Variants in C4orf54 observed in about 807,000 individuals in gnomAD.
The protein encoded by C4orf54 is chromosome 4 open reading frame 54, also known as uncharacterized protein C4orf54.
A neutral mutation model predicts 80.1 loss-of-function variants in C4orf54; 67 were observed. The ratio of observed to expected loss-of-function variants is 0.84; its 90% CI spans 0.69 to 1.03. The LOEUF is 1.03. Among genes scored for constraint, C4orf54 ranks in the 50% least tolerant of loss-of-function variants. The pLI is 0.00. For synonymous variants in C4orf54, 1,000 were observed against 917.0 expected (o/e 1.09, Z -1.64); for missense variants, 2,434 against 2,253.5 (o/e 1.08, Z -1.62).
chr4:99,648,812 A>G, intron 2 of C4orf54, among the ~76,000 whole-genome samples: 1 of 152,176 alleles, frequency 6.6e-6, no homozygotes, highest in Middle Eastern at 3.2e-3. Context: ...AGGGGTTTCC[A>G]ATGACCTCCT....
rs753639705 is a variant in C4orf54 at position 99,653,477 on chromosome 4, C to T, written c.1172G>A (p.Arg391His). 12 of 1,535,966 alleles carry T rather than the reference C, an allele frequency of 7.8e-6. No individual in the cohort carries two copies. In the African/African-American group the frequency reaches 1.1e-4, roughly 14 times the overall value. The stretch of plus-strand genomic sequence containing the variant: ...CACGTTGTTGTCCTCGAAATCCCAG[C>T]GGGAGGCCAGTCCCACGTCGAAATC... ...DMDFDVGLASRWDFEDNNVIY... is the reference protein window; with the variant it reads ...DMDFDVGLASHWDFEDNNVIY... The change falls in exon 2 of 3, where the codon CGC (arginine) becomes CAC (histidine). Residue 391 changes from arginine (R) to histidine (H), a missense_variant. Coordinates refer to ENST00000511828, the MANE Select transcript of C4orf54 (RefSeq NM_001354435.2).
rs1194989303 is a variant in C4orf54, at chr4:99,639,933, G to A, written c.*1300C>T. The A allele has an allele frequency of 6.6e-6, 1 of 151,374 alleles. No individual in the cohort carries two copies. The highest frequency in any genetic ancestry group is 1.5e-5 in the Non-Finnish European group (1 of 67,936). The allele number at this position is 151,374 out of a possible 1,614,324, so 9.4% of individuals were successfully genotyped here. A position where few individuals can be genotyped will look rare whatever the true frequency, so the allele number is the denominator to read the frequency against. ...GAATGCTTTATCTTTAAACAAATTGGTAAATAAAAGGAGATTCTTAAAAAA... is the reference window on the plus strand; with the variant it reads ...GAATGCTTTATCTTTAAACAAATTGATAAATAAAAGGAGATTCTTAAAAAA... On this transcript the variant is annotated 3_prime_UTR_variant, in exon 3 of 3. Transcript: ENST00000511828.
At chr4:99,646,608 TTC>T (rs1448340640) in intron 2 of C4orf54, among the ~76,000 whole-genome samples, 1 of 152,186 alleles carries the variant, frequency 6.6e-6, no homozygotes, top group Admixed American at 6.5e-5. Context: ...AAGGTCCTGG[TTC>T]TCTCATTCTC....
rs1437466757 is a variant in C4orf54, at chr4:99,652,880, A to C, written c.1769T>G (p.Leu590Arg). The C allele has an allele frequency of 6.5e-7, 1 of 1,536,168 alleles. No individual in the cohort carries two copies. The highest frequency in any genetic ancestry group is 8.7e-7 in the Non-Finnish European group (1 of 1,146,914). The change falls in exon 2 of 3, where the codon CTG becomes CGG. Residue 590 changes from leucine to arginine, a missense_variant. Coordinates refer to ENST00000511828, the MANE Select transcript of C4orf54 (RefSeq NM_001354435.2). ...CCGGATGGCCCCGCACCTGGTTTGC[A>C]GGCGAGCAGGTACAGCAATGAATTT... ...AKKFIAVPAR[L>R]QTRCGAIRAK... is the part of the protein sequence containing the mutation.
Position 99,650,754 on chromosome 4 carries a change from T to C in C4orf54, c.3895A>G (p.Arg1299Gly), listed in dbSNP as rs1578273341. 4 of 1,536,056 alleles carry C rather than the reference T, an allele frequency of 2.6e-6. No homozygotes were observed. Among genetic ancestry groups the C allele is most frequent in the Non-Finnish European group, 3.5e-6 (4 of 1,146,892 alleles). ...HVLSLIASEEREGVVVADGDH... is the reference protein window; with the variant it reads ...HVLSLIASEEGEGVVVADGDH... ...CCATCAGCAACCACTACCCCTTCCC[T>C]CTCCTCACTGGCAATGAGCGACAGC... is the stretch of plus-strand genomic sequence containing the variant. The change falls in exon 2 of 3, where the codon AGG (arginine) becomes GGG (glycine). Residue 1299 changes from arginine to glycine, a missense_variant. Physicochemically the swap from Arg to Gly is moderately radical, Grantham distance 125. Coordinates refer to ENST00000511828, the MANE Select transcript of C4orf54 (RefSeq NM_001354435.2).
At chr4:99,649,131 G>T (rs1726748654) in intron 2 of C4orf54, 100 bp downstream of exon 2, 3 of 1,139,402 alleles carry the variant, frequency 2.6e-6, no homozygotes, top group Non-Finnish European at 3.6e-6. Flanking sequence ...TCCATTTCTA[G>T]AGACAGCCTC....
In C4orf54 at chr4:99,650,115, G is replaced by A. The variant is rs895706713; in HGVS notation, c.4534C>T (p.Arg1512Cys). 32 of 1,535,818 alleles carry A rather than the reference G, an allele frequency of 2.1e-5. No homozygotes were observed. The Admixed American group carries it at 5.1e-4, about 24-fold the overall frequency. ...TTGGAGCTACTGGGGACCTGACTGC[G>A]GGCACTCAGCGGGGGTAAACTACAG... ...TLCSLPPLSA[R>C]SQVPSSSKGS... Residue 1512 changes from arginine to cysteine, a missense_variant, in exon 2 of 3, where the codon CGC (arginine) becomes TGC (cysteine). Transcript: ENST00000511828.
chr4:99,649,977 T>A lies in C4orf54; in HGVS notation c.4672A>T (p.Thr1558Ser). Residue 1558 changes from threonine (T) to serine (S), a missense_variant, in exon 2 of 3, where the codon ACC becomes TCC. Transcript: ENST00000511828. ...GGCAGCGGCGGCTGGTGGTAGATGG[T>A]GGTGGGGGGATGCTCGGGGCTCTGT... The part of the protein sequence containing the change: ...GPQSPEHPPT[T>S]IYHQPPLPFT... The A allele has an allele frequency of 2.6e-6, 4 of 1,528,716 alleles. No homozygotes were observed. The highest frequency in any genetic ancestry group is 3.5e-6 in the Non-Finnish European group (4 of 1,143,700). The allele number at this position is 1,528,716 out of a possible 1,614,324, so 94.7% of individuals were successfully genotyped here. A position where few individuals can be genotyped will look rare whatever the true frequency, so the allele number is the denominator to read the frequency against.
rs1293344237 is a variant in C4orf54, at chr4:99,650,292, T to G, written c.4357A>C (p.Asn1453His). Reference sequence around the variant, plus strand: ...TCCAAATTGCTGCCACTTTTCCTGTTGGTCACCTCATCAGGAGGTGCCCGG... The same window carrying G: ...TCCAAATTGCTGCCACTTTTCCTGTGGGTCACCTCATCAGGAGGTGCCCGG... The part of the protein sequence containing the change: ...ATRAPPDEVT[N>H]RKSGSNLEKS... The change falls in exon 2 of 3, where the codon AAC becomes CAC. Residue 1453 changes from asparagine (N) to histidine (H), a missense_variant. Asn to His is a moderately conservative substitution (Grantham distance 68, BLOSUM62 1). Coordinates refer to ENST00000511828, the MANE Select transcript of C4orf54 (RefSeq NM_001354435.2). 19 of 1,535,996 alleles carry G rather than the reference T, an allele frequency of 1.2e-5. No individual in the cohort carries two copies. The highest frequency in any genetic ancestry group is 2.0e-5 in the Admixed American group (1 of 50,980).
intron 2 of C4orf54, among the ~76,000 whole-genome samples, chr4:99,648,509 G>A (rs528198658): frequency 1.3e-4 from 20 of 151,854 alleles, no homozygotes; most frequent in African/African-American, 4.8e-4. Flanking sequence ...ATTCAAGCAA[G>A]GAGTAACTGC....
rs890662901 is a variant in C4orf54, at chr4:99,637,934, A to T, written c.*3299T>A. ...ATTATAGTCAATCTACTTAGGAATC[A>T]ATACTGTCCTGTCCTGCAGTCCAAA... On this transcript the variant is annotated 3_prime_UTR_variant, in exon 3 of 3. Transcript: ENST00000511828. The T allele has an allele frequency of 1.3e-5, 2 of 152,166 alleles. No homozygotes were observed. The highest frequency in any genetic ancestry group is 2.9e-5 in the Non-Finnish European group (2 of 68,008). The allele number at this position is 152,166 out of a possible 1,614,324, so 9.4% of individuals were successfully genotyped here. A position where few individuals can be genotyped will look rare whatever the true frequency, so the allele number is the denominator to read the frequency against.
chr4:99,649,175 A>G, intron 2 of C4orf54, 56 bp downstream of exon 2: 2 of 1,402,638 alleles, frequency 1.4e-6, no homozygotes, highest in South Asian at 3.1e-5. Context: ...AAACACAAAC[A>G]AAAAAATATT....
In C4orf54 at chr4:99,638,455, C is replaced by T. The variant is rs551606752; in HGVS notation, c.*2778G>A. 1.6e-4 allele frequency: 24 copies of T among 152,134 alleles called. 1 individual carries two copies. The East Asian group carries it at 3.9e-3, about 24-fold the overall frequency. 9.4% of individuals were successfully genotyped at this position (152,134 alleles called of 1,614,324 possible). A position where few individuals can be genotyped will look rare whatever the true frequency, so the allele number is the denominator to read the frequency against. ...CTGGAAAACTAAGCCACACATATAACCCTAAGAGGATATTATAAAAGCCAG... is the reference window on the plus strand; with the variant it reads ...CTGGAAAACTAAGCCACACATATAATCCTAAGAGGATATTATAAAAGCCAG... On this transcript the variant is annotated 3_prime_UTR_variant, in exon 3 of 3. Coordinates refer to ENST00000511828, the MANE Select transcript of C4orf54 (RefSeq NM_001354435.2).
chr4:99,641,737 T>C (rs1041476015), intron 2 of C4orf54, among the ~76,000 whole-genome samples: 10 of 152,166 alleles, frequency 6.6e-5, no homozygotes, highest in African/African-American at 2.4e-4. Context: ...TAGAACAGCA[T>C]TGACATGTTC....
In C4orf54 at chr4:99,649,525, T is replaced by C; in HGVS notation, c.5124A>G (p.Pro1708=). ...ARAPRGSELS[P]MVAEPSSKEA... ...CTTTGCTGGAAGGTTCTGCCACCAT[T>C]GGGGAGAGCTCACTTCCTCTTGGAG... is the stretch of plus-strand genomic sequence containing the variant. Residue 1708 remains proline (P), a synonymous_variant, in exon 2 of 3, where the codon CCA becomes CCG. Coordinates refer to ENST00000511828, the MANE Select transcript of C4orf54 (RefSeq NM_001354435.2). The C allele has an allele frequency of 6.5e-7, 1 of 1,536,004 alleles. No homozygotes were observed. Among genetic ancestry groups the C allele is most frequent in the African/African-American group, 1.4e-5 (1 of 73,110 alleles).
rs536536140 is a variant in C4orf54, at chr4:99,639,748, A to G, written c.*1485T>C. The G allele has an allele frequency of 1.3e-5, 2 of 152,284 alleles. No homozygotes were observed. Among genetic ancestry groups the G allele is most frequent in the African/African-American group, 4.8e-5 (2 of 41,574 alleles). The allele number at this position is 152,284 out of a possible 1,614,324, so 9.4% of individuals were successfully genotyped here. A position where few individuals can be genotyped will look rare whatever the true frequency, so the allele number is the denominator to read the frequency against. Reference sequence around the variant, plus strand: ...GAGATGGGAAGCATAACTACAAAGTAAAAAGATTATATAAATCATACAAAA... The same window carrying G: ...GAGATGGGAAGCATAACTACAAAGTGAAAAGATTATATAAATCATACAAAA... On this transcript the variant is annotated 3_prime_UTR_variant, in exon 3 of 3. Coordinates refer to ENST00000511828, the MANE Select transcript of C4orf54 (RefSeq NM_001354435.2).
chr4:99,650,346 G>A lies in C4orf54; in HGVS notation c.4303C>T (p.Leu1435Phe). The A allele has an allele frequency of 1.2e-5, 18 of 1,536,096 alleles. No individual in the cohort carries two copies. The highest frequency in any genetic ancestry group is 1.6e-5 in the Non-Finnish European group (18 of 1,146,900). ...SAAKGIKSQG[L>F]RSLKISPATR... ...GCTGGAGAGATCTTGAGGGACCGGA[G>A]TCCCTGCGACTTGATGCCCTTAGCT... is the stretch of plus-strand genomic sequence containing the variant. The change falls in exon 2 of 3, where the codon CTC (leucine) becomes TTC (phenylalanine). Residue 1435 changes from leucine (L) to phenylalanine (F), a missense_variant. By Grantham distance (22) the Leu-to-Phe change is conservative. Coordinates refer to ENST00000511828, the MANE Select transcript of C4orf54 (RefSeq NM_001354435.2).
intron 2 of C4orf54, among the ~76,000 whole-genome samples, chr4:99,648,554 AGTGTGTGT>A (rs60651888): frequency 1.4e-5 from 2 of 145,740 alleles, no homozygotes; most frequent in Non-Finnish European, 3.0e-5. Context: ...TAGAGAACAA[AGTGTGTGT>A]GTGTGTGTGT....
At chr4:99,655,599 A>C (rs1359460749) in intron 1 of C4orf54, among the ~76,000 whole-genome samples, 1 of 152,208 alleles carries the variant, frequency 6.6e-6, no homozygotes, top group South Asian at 2.1e-4. Context: ...AAACGAAGCC[A>C]AAATCCCCGT....
Sources: gnomAD v4.1 joint callset for allele counts (sites outside exome capture counted in the v4.1 genomes callset) on GRCh38, gnomAD v4.1.1 for gene constraint, MANE v1.5 for transcripts, NCBI Gene and HGNC (gene_info 2026-07-23, HGNC 2026-07-21) for gene names.